The following ATRX variants were observed in gnomAD, a reference collection of about 807,000 sequenced individuals.
ATRX encodes chromatin remodeler ATRX.
In ATRX, 12 loss-of-function variants were observed where a neutral mutation model predicts 172.6. The ratio of observed to expected loss-of-function variants is 0.07; its 90% confidence interval spans 0.04 to 0.11. The LOEUF is 0.11. Ranked by LOEUF, ATRX falls within the 10% of genes least tolerant of loss-of-function variation. The probability of loss-of-function intolerance (pLI) is 1.00; values close to 1 mark genes in which losing one functional copy is unlikely to be tolerated. For missense variants in ATRX, 1,368 were observed against 1,767.4 expected, an observed-to-expected ratio of 0.77 and a Z score of 4.05; for synonymous variants, 674 against 594.7, an observed-to-expected ratio of 1.13 and a Z score of -1.94.
At chrX:77,636,079 T>G (rs782763698) in intron 15 of ATRX, 23 bp from the exon 16 acceptor site, 1 of 1,206,201 alleles carries the variant, frequency 8.3e-7, no homozygotes, top group East Asian at 3.0e-5. Context: ...GAGTTGTTGA[T>G]AGTTAAGCTC....
intron 1 of ATRX, among the ~76,000 whole-genome samples, chrX:77,719,365 C>A (rs1395015711): frequency 5.4e-5 from 6 of 111,224 alleles, no homozygotes; most frequent in African/African-American, 2.0e-4. Flanking sequence ...GATCATTAGT[C>A]ATATCAGGGA....
At position 77,769,311 on chromosome X, in the gene ATRX, C is replaced by A. The variant is rs1409653084; in HGVS notation, c.20+16671G>T. Among the ~76,000 whole-genome samples, 4 of 107,691 alleles carry A rather than the reference C, an allele frequency of 3.7e-5. No individual in the cohort carries two copies. In the East Asian group the frequency reaches 1.2e-3, roughly 31 times the overall value. 93.5% of individuals were successfully genotyped at this position (107,691 alleles called of 115,157 possible). On this transcript the variant is annotated intron_variant, in intron 1 of 34. Transcript: ENST00000373344. Reference sequence around the variant, plus strand: ...TTTTTTTTTTGAGACTGAGTCTCACCCTGTAGCCCAGGCCAGGCTGGAGTG... The same window carrying A: ...TTTTTTTTTTGAGACTGAGTCTCACACTGTAGCCCAGGCCAGGCTGGAGTG...
intron 12 of ATRX, among the ~76,000 whole-genome samples, chrX:77,657,833 A>G (rs2069634706): frequency 8.9e-6 from 1 of 112,002 alleles, no homozygotes; most frequent in Non-Finnish European, 1.9e-5. Context: ...AGATAGAAAA[A>G]TAATATTTTC....
chrX:77,644,191 C>T (rs1287165399), intron 15 of ATRX, among the ~76,000 whole-genome samples: 15 of 112,609 alleles, frequency 1.3e-4, no homozygotes, highest in Non-Finnish European at 1.9e-5. Flanking sequence ...ATCCGCCTGC[C>T]TTGGCCTCCC....
intron 5 of ATRX, among the ~76,000 whole-genome samples, chrX:77,695,978 A>T (rs1201398630): frequency 8.9e-6 from 1 of 111,906 alleles, no homozygotes; most frequent in Non-Finnish European, 1.9e-5. Flanking sequence ...CTCAGACTTG[A>T]GCTATGAAGA....
chrX:77,728,535 G>T (rs1314519679), intron 1 of ATRX, among the ~76,000 whole-genome samples: 1 of 111,439 alleles, frequency 9.0e-6, no homozygotes, highest in Non-Finnish European at 1.9e-5. Flanking sequence ...TAAAGCCTAT[G>T]AAATGTTAAA....
intron 28 of ATRX, among the ~76,000 whole-genome samples, chrX:77,568,608 T>C (rs1393544577): frequency 1.8e-5 from 2 of 112,193 alleles, no homozygotes; most frequent in Non-Finnish European, 3.8e-5. Flanking sequence ...AATTATTGAC[T>C]TATTTTATGA....
intron 12 of ATRX, among the ~76,000 whole-genome samples, chrX:77,661,154 T>C (rs889610863): frequency 8.9e-6 from 1 of 112,249 alleles, no homozygotes; most frequent in Admixed American, 9.4e-5. Context: ...AACATCTTGT[T>C]CCTTGATCTG....
rs1237463675 is a variant in ATRX, at chrX:77,507,094, A to G, written c.*1257T>C. The G allele has an allele frequency of 5.9e-6, 1 of 170,218 alleles. No homozygotes were observed. The highest frequency in any genetic ancestry group is 3.0e-5 in the African/African-American group (1 of 33,168). 14.0% of individuals were successfully genotyped at this position (170,218 alleles called of 1,213,427 possible). A position where few individuals can be genotyped will look rare whatever the true frequency, so the allele number is the denominator to read the frequency against. On this transcript the variant is annotated 3_prime_UTR_variant, in exon 35 of 35. Coordinates refer to ENST00000373344, the MANE Select transcript of ATRX (RefSeq NM_000489.6). ...TTTTGCAGAACTGGATTAAGAAAAA[A>G]TAAAATGTAATACATTTTCTAGTAA...
intron 1 of ATRX, among the ~76,000 whole-genome samples, chrX:77,734,848 C>A (rs901016664): frequency 4.6e-5 from 5 of 107,572 alleles, no homozygotes; most frequent in African/African-American, 1.7e-4. Flanking sequence ...CGGTGGCTCA[C>A]GCCTGTAATC....
chrX:77,592,003 A>G (rs1331126665), intron 26 of ATRX, among the ~76,000 whole-genome samples: 1 of 112,076 alleles, frequency 8.9e-6, no homozygotes, highest in Non-Finnish European at 1.9e-5. Context: ...GGTTCTCTCT[A>G]TTAACCTTTT....
At chrX:77,567,616 G>C (rs887739919) in intron 28 of ATRX, among the ~76,000 whole-genome samples, 3 of 109,148 alleles carry the variant, frequency 2.7e-5, no homozygotes, top group African/African-American at 1.0e-4. Flanking sequence ...CACAATTATA[G>C]TTGGAGATTT....
chrX:77,664,251 T>TTTCTTC (rs200213091), intron 11 of ATRX, among the ~76,000 whole-genome samples: 5 of 110,970 alleles, frequency 4.5e-5, no homozygotes, highest in African/African-American at 9.8e-5. Flanking sequence ...AGAGATTTTT[T>TTTCTTC]TTCTTCTTCT....
intron 2 of ATRX, among the ~76,000 whole-genome samples, chrX:77,711,565 TG>T (rs1482314172): frequency 8.9e-6 from 1 of 112,548 alleles, no homozygotes; most frequent in African/African-American, 3.2e-5. Context: ...CTGGGTGTGG[TG>T]GCTCACGCCT....
intron 1 of ATRX, among the ~76,000 whole-genome samples, chrX:77,726,718 A>G (rs1295850758): frequency 1.8e-5 from 2 of 111,144 alleles, no homozygotes; most frequent in Non-Finnish European, 3.8e-5. Flanking sequence ...AGTCTATGAG[A>G]TCTGATCTGC....
chrX:77,709,215 C>G, intron 2 of ATRX, among the ~76,000 whole-genome samples: 1 of 112,157 alleles, frequency 8.9e-6, no homozygotes, highest in East Asian at 2.8e-4. Flanking sequence ...GCCTGGGCAA[C>G]AGAGCAATAT....
At chrX:77,554,544 C>A (rs995040104) in intron 30 of ATRX, among the ~76,000 whole-genome samples, 3 of 111,722 alleles carry the variant, frequency 2.7e-5, no homozygotes, top group Middle Eastern at 4.6e-3. Flanking sequence ...CTAACCTCCA[C>A]TCTTCATCAA....
intron 1 of ATRX, among the ~76,000 whole-genome samples, chrX:77,767,264 A>C (rs186010725): frequency 9.5e-6 from 1 of 105,016 alleles, no homozygotes; most frequent in Non-Finnish European, 1.9e-5. Flanking sequence ...AGAGGGAGAG[A>C]GGGAGAGGGG....
intron 1 of ATRX, among the ~76,000 whole-genome samples, chrX:77,734,214 TACA>T (rs2074433655): frequency 1.1e-5 from 1 of 94,851 alleles, no homozygotes; most frequent in Non-Finnish European, 2.0e-5. Flanking sequence ...CTCAAATACA[TACA>T]TACATACATA....
Sources: gnomAD v4.1 joint callset for allele counts (sites outside exome capture counted in the v4.1 genomes callset) on GRCh38, gnomAD v4.1.1 for gene constraint, MANE v1.5 for transcripts, NCBI Gene and HGNC (gene_info 2026-07-23, HGNC 2026-07-21) for gene names.